KCND3: variants seen among roughly 807,000 people sequenced by gnomAD.
The protein encoded by KCND3 is A-type voltage-gated potassium channel KCND3.
In KCND3, 9 loss-of-function variants were observed where a neutral mutation model predicts 51.1. The ratio of observed to expected loss-of-function variants is 0.18; its 90% CI spans 0.11 to 0.31. The LOEUF is 0.31. Ranked by LOEUF, KCND3 falls within the 10% of genes least tolerant of loss-of-function variation. The pLI is 1.00. For missense variants in KCND3, 526 were observed against 903.8 expected, an observed-to-expected ratio of 0.58 and a Z score of 5.36; for synonymous variants, 349 against 368.0, an observed-to-expected ratio of 0.95 and a Z score of 0.59.
At chr1:111,955,569 T>A (rs1673289475) in intron 2 of KCND3, among the ~76,000 whole-genome samples, 1 of 152,242 alleles carries the variant, frequency 6.6e-6, no homozygotes, top group Non-Finnish European at 1.5e-5. Context: ...TCTGTTTACA[T>A]GTGCGTCTCC....
intron 5 of KCND3, among the ~76,000 whole-genome samples, chr1:111,779,270 G>A (rs950168373): frequency 6.6e-6 from 1 of 151,932 alleles, no homozygotes; most frequent in Non-Finnish European, 1.5e-5. Context: ...AGACCAGCCT[G>A]GGCAACATAG....
At chr1:111,809,157 T>C (rs1401667435) in intron 2 of KCND3, among the ~76,000 whole-genome samples, 1 of 152,128 alleles carries the variant, frequency 6.6e-6, no homozygotes, top group African/African-American at 2.4e-5. Flanking sequence ...TGGGCCGCTG[T>C]TGAAGGTAGA....
At chr1:111,969,232 T>C (rs564195746) in intron 2 of KCND3, among the ~76,000 whole-genome samples, 1 of 152,262 alleles carries the variant, frequency 6.6e-6, no homozygotes, top group South Asian at 2.1e-4. Flanking sequence ...GACCTTCCCT[T>C]TGTCCATTCT....
chr1:111,888,681 C>CAAAAAAAAA (rs34732548), intron 2 of KCND3, among the ~76,000 whole-genome samples: 5 of 103,580 alleles, frequency 4.8e-5, no homozygotes, highest in Admixed American at 1.0e-4. Context: ...CACTCCATCT[C>CAAAAAAAAA]AAAAAAAAAA....
chr1:111,824,143 A>G (rs1366369313), intron 2 of KCND3, among the ~76,000 whole-genome samples: 1 of 151,672 alleles, frequency 6.6e-6, no homozygotes, highest in Non-Finnish European at 1.5e-5. Flanking sequence ...AAAAGCTCAA[A>G]CAAGAAATAA....
At chr1:111,791,797 C>G (rs971462658) in intron 2 of KCND3, among the ~76,000 whole-genome samples, 1 of 152,142 alleles carries the variant, frequency 6.6e-6, no homozygotes, top group Non-Finnish European at 1.5e-5. Context: ...TAAATGAGAA[C>G]ACCAGCATTT....
At chr1:111,935,684 C>T (rs1409435631) in intron 2 of KCND3, among the ~76,000 whole-genome samples, 3 of 152,184 alleles carry the variant, frequency 2.0e-5, no homozygotes, top group Admixed American at 6.5e-5. Flanking sequence ...CCCGCATTAG[C>T]TCCTCTAATT....
intron 2 of KCND3, among the ~76,000 whole-genome samples, chr1:111,860,204 C>T (rs1015627001): frequency 2.0e-5 from 3 of 152,300 alleles, no homozygotes; most frequent in East Asian, 3.9e-4. Context: ...AAGTTGCACA[C>T]GTTATCTCAT....
intron 2 of KCND3, among the ~76,000 whole-genome samples, chr1:111,817,930 G>A (rs953252289): frequency 6.6e-6 from 1 of 152,164 alleles, no homozygotes; most frequent in African/African-American, 2.4e-5. Flanking sequence ...CACAAAATCA[G>A]TGTTTAGTTT....
Position 111,770,823 on chromosome 1 carries a change from T to G in KCND3, c.*5254A>C, listed in dbSNP as rs973799202. On this transcript the variant is annotated 3_prime_UTR_variant, in exon 8 of 8. Coordinates refer to ENST00000302127, the MANE Select transcript of KCND3 (RefSeq NM_001378969.1). ...ACTCAAGGGTGTTTTTTTTTTTTCATAGAAAGTTTTCATGTTTTATCTTCC... is the reference window on the plus strand; with the variant it reads ...ACTCAAGGGTGTTTTTTTTTTTTCAGAGAAAGTTTTCATGTTTTATCTTCC... 6.6e-6 allele frequency: 1 copy of G among 151,546 alleles called. No homozygotes were observed. The highest frequency in any genetic ancestry group is 2.4e-5 in the African/African-American group (1 of 41,158). The allele number at this position is 151,546 out of a possible 1,614,324, so 9.4% of individuals were successfully genotyped here.
intron 2 of KCND3, among the ~76,000 whole-genome samples, chr1:111,861,164 G>A (rs1232600081): frequency 6.6e-6 from 1 of 152,172 alleles, no homozygotes; most frequent in Non-Finnish European, 1.5e-5. Context: ...AAAGGAGGAA[G>A]GGGGGCGGGG....
At chr1:111,799,580 CCTGAGT>C (rs1226481014) in intron 2 of KCND3, among the ~76,000 whole-genome samples, 3 of 152,198 alleles carry the variant, frequency 2.0e-5, no homozygotes, top group Non-Finnish European at 4.4e-5. Flanking sequence ...AGTTCTTGTA[CCTGAGT>C]CTATTCCTAT....
intron 2 of KCND3, among the ~76,000 whole-genome samples, chr1:111,866,711 C>T (rs1384725467): frequency 6.6e-5 from 10 of 151,946 alleles, no homozygotes; most frequent in South Asian, 2.1e-4. Context: ...GCAGTAGGAT[C>T]GCTTGAGGTC....
At chr1:111,920,495 T>G (rs1210373005) in intron 2 of KCND3, among the ~76,000 whole-genome samples, 2 of 152,236 alleles carry the variant, frequency 1.3e-5, no homozygotes, top group African/African-American at 4.8e-5. Context: ...TTGGCAGCAC[T>G]CAAGCCTCCC....
At chr1:111,856,422 G>A (rs114937312) in intron 2 of KCND3, among the ~76,000 whole-genome samples, 3,890 of 152,308 alleles carry the variant, frequency 0.026, 175 homozygotes, top group African/African-American at 0.088. Context: ...GAAGCTCTCT[G>A]CGTGCTGTGC....
chr1:111,928,110 C>T (rs763281244), intron 2 of KCND3, among the ~76,000 whole-genome samples: 9 of 152,040 alleles, frequency 5.9e-5, no homozygotes, highest in African/African-American at 1.7e-4. Context: ...TTTTAGCTAA[C>T]GTATCTCTAG....
chr1:111,804,653 A>T (rs1337583856), intron 2 of KCND3, among the ~76,000 whole-genome samples: 1 of 152,240 alleles, frequency 6.6e-6, no homozygotes, highest in African/African-American at 2.4e-5. Flanking sequence ...GTCACAATGG[A>T]TGAATGCTTA....
chr1:111,970,019 C>T (rs577606401), intron 2 of KCND3, among the ~76,000 whole-genome samples: 23 of 151,922 alleles, frequency 1.5e-4, no homozygotes, highest in Admixed American at 6.6e-4. Context: ...TTCTCTCTCT[C>T]TCTTTTTTTT....
chr1:111,892,238 G>A (rs545766045), intron 2 of KCND3, among the ~76,000 whole-genome samples: 2 of 152,280 alleles, frequency 1.3e-5, no homozygotes, highest in South Asian at 2.1e-4. Flanking sequence ...TCCAAAGCTC[G>A]CCTCAGTGCT....
Sources: gnomAD v4.1 joint callset for allele counts (sites outside exome capture counted in the v4.1 genomes callset) on GRCh38, gnomAD v4.1.1 for gene constraint, MANE v1.5 for transcripts, NCBI Gene and HGNC (gene_info 2026-07-23, HGNC 2026-07-21) for gene names.